The following POLR2B variants were observed in gnomAD, a reference collection of about 807,000 sequenced individuals.
POLR2B encodes DNA-directed RNA polymerase II subunit RPB2.
A neutral mutation model predicts 144.6 loss-of-function variants in POLR2B; 57 were observed. That is an observed-to-expected ratio of 0.39 (90% confidence interval 0.32 to 0.49). The LOEUF is 0.49. POLR2B is among the 20% of genes least tolerant of loss of function. POLR2B has a pLI of 0.83. For synonymous variants in POLR2B, 442 were observed against 469.8 expected (o/e 0.94, Z 0.77); for missense variants, 595 against 1,467.4 (o/e 0.41, Z 9.71).
At chr4:57,016,215 G>C (rs1723362334) in intron 14 of POLR2B, among the ~76,000 whole-genome samples, 1 of 152,028 alleles carries the variant, frequency 6.6e-6, no homozygotes, top group Non-Finnish European at 1.5e-5. Context: ...CTTCTATTAT[G>C]AAGCAAGATA....
intron 17 of POLR2B, among the ~76,000 whole-genome samples, 191 bp downstream of exon 17, chr4:57,021,186 T>C (rs913285381): frequency 1.3e-5 from 2 of 152,232 alleles, no homozygotes; most frequent in Admixed American, 6.5e-5. Flanking sequence ...TTTGAGCCTT[T>C]CTTTTGGTAA....
At chr4:56,984,392 A>G (rs1722254840) in intron 1 of POLR2B, among the ~76,000 whole-genome samples, 1 of 151,658 alleles carries the variant, frequency 6.6e-6, no homozygotes, top group South Asian at 2.1e-4. Context: ...CACATTTGTT[A>G]TATGCCAATG....
At chr4:56,993,350 T>TA (rs1414130203) in intron 3 of POLR2B, among the ~76,000 whole-genome samples, 8 of 152,036 alleles carry the variant, frequency 5.3e-5, no homozygotes, top group African/African-American at 1.9e-4. Flanking sequence ...CTGGAGGAGA[T>TA]AAAAATCTTA....
chr4:57,027,663 G>A (rs1417500389), intron 23 of POLR2B, among the ~76,000 whole-genome samples: 2 of 152,128 alleles, frequency 1.3e-5, no homozygotes, highest in African/African-American at 4.8e-5. Flanking sequence ...GTTTCTCAAA[G>A]GTTGGTTTTG....
At chr4:57,029,735 C>A (rs1723849572) in intron 23 of POLR2B, among the ~76,000 whole-genome samples, 1 of 152,076 alleles carries the variant, frequency 6.6e-6, no homozygotes, top group Non-Finnish European at 1.5e-5. Flanking sequence ...TTTCATTATT[C>A]ATTTTTTTAG....
intron 5 of POLR2B, 110 bp downstream of exon 5, chr4:56,994,976 G>T: frequency 1.4e-6 from 1 of 735,892 alleles, no homozygotes; most frequent in Non-Finnish European, 2.2e-6. Flanking sequence ...AGGATAACCT[G>T]GCACTGACAG....
chr4:57,013,975 A>T (rs1222730655), intron 13 of POLR2B, among the ~76,000 whole-genome samples: 1 of 151,454 alleles, frequency 6.6e-6, no homozygotes, highest in Non-Finnish European at 1.5e-5. Context: ...AGAGAAAAAG[A>T]CCCATAGAGC....
At chr4:57,024,739 C>CA in intron 21 of POLR2B, 147 bp from the exon 22 acceptor site, 1 of 560,720 alleles carries the variant, frequency 1.8e-6, no homozygotes, top group South Asian at 2.4e-5. Context: ...ATTTTGAGTT[C>CA]AAAATCTTTG....
At chr4:57,016,600 CATATA>C (rs1439416960) in intron 14 of POLR2B, among the ~76,000 whole-genome samples, 3 of 149,900 alleles carry the variant, frequency 2.0e-5, no homozygotes, top group Non-Finnish European at 3.0e-5. Context: ...TAAATTATTA[CATATA>C]ATATGACAAT....
chr4:57,030,106 T>C (rs1723866287), intron 23 of POLR2B, 98 bp from the exon 24 acceptor site: 2 of 953,120 alleles, frequency 2.1e-6, no homozygotes, highest in African/African-American at 1.7e-5. Flanking sequence ...AGCCTAGTTA[T>C]CCGTCTTTGC....
intron 10 of POLR2B, chr4:57,009,418 ATGT>A (rs1466731500): frequency 6.6e-6 from 1 of 152,370 alleles, no homozygotes; most frequent in Non-Finnish European, 1.5e-5. Context: ...GAGGACTTTA[ATGT>A]TGTGCTCTTC....
intron 3 of POLR2B, among the ~76,000 whole-genome samples, chr4:56,992,015 T>C (rs953411673): frequency 9.9e-5 from 15 of 152,068 alleles, no homozygotes; most frequent in African/African-American, 3.6e-4. Context: ...CAATATAACA[T>C]AGCAAATTGA....
chr4:56,978,954 A>G lies in POLR2B; in HGVS notation c.-32A>G. The G allele has an allele frequency of 6.2e-7, 1 of 1,612,568 alleles. No individual in the cohort carries two copies. The highest frequency in any genetic ancestry group is 8.5e-7 in the Non-Finnish European group (1 of 1,178,734). ...TGGGCGGTTTTTGTCTTTTGATTTC[A>G]AGAGTTAGGAGCTCGAGAACCGTTT... On this transcript the variant is annotated 5_prime_UTR_variant, in exon 1 of 25. Coordinates refer to ENST00000314595, the MANE Select transcript of POLR2B (RefSeq NM_000938.3).
At chr4:56,985,470 C>T (rs904889720) in intron 1 of POLR2B, 4 of 985,106 alleles carry the variant, frequency 4.1e-6, no homozygotes, top group Middle Eastern at 5.2e-4. Flanking sequence ...GAGTGAGAGG[C>T]GGGCCCTGCA....
chr4:57,021,044 AT>A, intron 17 of POLR2B, 49 bp downstream of exon 17: 1 of 994,518 alleles, frequency 1.0e-6, no homozygotes, highest in Non-Finnish European at 1.6e-6. Flanking sequence ...GGAAACACTA[AT>A]TTTTTATGCA....
chr4:56,989,465 A>G (rs1444429465), intron 2 of POLR2B, among the ~76,000 whole-genome samples: 1 of 152,226 alleles, frequency 6.6e-6, no homozygotes, highest in African/African-American at 2.4e-5. Context: ...CATAGGACCT[A>G]ACTTCTAATT....
intron 9 of POLR2B, 47 bp downstream of exon 9, chr4:57,005,766 A>G: frequency 6.3e-7 from 1 of 1,574,962 alleles, no homozygotes; most frequent in African/African-American, 1.4e-5. Flanking sequence ...GATTTATTTC[A>G]CTTTAGATTG....
At chr4:57,004,471 A>G (rs1391483936) in intron 7 of POLR2B, among the ~76,000 whole-genome samples, 5 of 151,488 alleles carry the variant, frequency 3.3e-5, no homozygotes, top group African/African-American at 1.2e-4. Context: ...GACTCAAGCC[A>G]TCCTCCTGTT....
chr4:57,022,488 G>C (rs1723585411), intron 18 of POLR2B, among the ~76,000 whole-genome samples: 1 of 152,148 alleles, frequency 6.6e-6, no homozygotes, highest in Non-Finnish European at 1.5e-5. Flanking sequence ...GGTAGGTCCT[G>C]CATTGAGGAG....
Sources: gnomAD v4.1 joint callset for allele counts (sites outside exome capture counted in the v4.1 genomes callset) on GRCh38, gnomAD v4.1.1 for gene constraint, MANE v1.5 for transcripts, NCBI Gene and HGNC (gene_info 2026-07-23, HGNC 2026-07-21) for gene names.